The following TTC27 variants were observed in gnomAD, a reference collection of about 807,000 sequenced individuals.
TTC27 encodes tetratricopeptide repeat domain 27.
Under a neutral mutation model 115.9 loss-of-function variants are expected in TTC27, and 79 were observed. That is an observed-to-expected ratio of 0.68 (90% CI 0.57 to 0.82). The LOEUF (loss-of-function observed/expected upper bound fraction) is 0.82. TTC27 is among the 40% of genes least tolerant of loss of function. The pLI is 0.00. For missense variants in TTC27, 1,054 were observed against 993.1 expected (o/e 1.06, Z -0.82); for synonymous variants, 401 against 356.0 (o/e 1.13, Z -1.42).
intron 16 of TTC27, among the ~76,000 whole-genome samples, chr2:32,791,241 A>G (rs989263104): frequency 6.6e-6 from 1 of 152,144 alleles, no homozygotes; most frequent in Non-Finnish European, 1.5e-5. Context: ...TCTTTCCCCA[A>G]GGTAAATTCT....
chr2:32,664,554 A>T (rs1665694543), intron 6 of TTC27, 87 bp downstream of exon 6: 2 of 1,141,228 alleles, frequency 1.8e-6, no homozygotes, highest in African/African-American at 1.6e-5. Context: ...TTGGTATTAG[A>T]TTTTCTATAT....
intron 16 of TTC27, among the ~76,000 whole-genome samples, chr2:32,797,899 T>A (rs968968861): frequency 6.6e-6 from 1 of 151,998 alleles, no homozygotes; most frequent in Non-Finnish European, 1.5e-5. Context: ...TATAGAGGAC[T>A]TCTAAAATTC....
At position 32,652,134 on chromosome 2, in the gene TTC27, G is replaced by A. The variant is rs573971423; in HGVS notation, c.640+1901G>A. Among the ~76,000 whole-genome samples the A allele has an allele frequency of 2.0e-5, 3 of 152,312 alleles. No individual in the cohort carries two copies. The South Asian group carries it at 6.2e-4, about 32-fold the overall frequency. On this transcript the variant is annotated intron_variant, in intron 5 of 19. Transcript: ENST00000317907. ...CATGCCTGTAATCCCAGCACTTTGGGAGGTCGAGGCAGGTAGATCACGAGG... is the reference window on the plus strand; with the variant it reads ...CATGCCTGTAATCCCAGCACTTTGGAAGGTCGAGGCAGGTAGATCACGAGG...
At chr2:32,732,561 T>C (rs908527380) in intron 10 of TTC27, among the ~76,000 whole-genome samples, 1 of 152,206 alleles carries the variant, frequency 6.6e-6, no homozygotes, top group African/African-American at 2.4e-5. Flanking sequence ...CCTTTTTTTT[T>C]CTCCTGAGGC....
intron 1 of TTC27, among the ~76,000 whole-genome samples, chr2:32,628,620 C>A (rs2063531185): frequency 6.6e-6 from 1 of 152,056 alleles, no homozygotes; most frequent in Non-Finnish European, 1.5e-5. Context: ...TTTTCTAAGC[C>A]CTTAACATGT....
At chr2:32,631,868 A>G (rs1323539685) in intron 2 of TTC27, among the ~76,000 whole-genome samples, 1 of 150,188 alleles carries the variant, frequency 6.7e-6, no homozygotes, top group Non-Finnish European at 1.5e-5. Context: ...TGGAGTGCAG[A>G]GGCGTGATCT....
At position 32,755,347 on chromosome 2, in the gene TTC27, A is replaced by G. The variant is rs1308577783; in HGVS notation, c.1453-2945A>G. Among the ~76,000 whole-genome samples the G allele has an allele frequency of 2.6e-5, 4 of 152,188 alleles. 1 individual carries two copies. Among genetic ancestry groups the G allele is most frequent in the South Asian group, 4.1e-4 (2 of 4,832 alleles). ...TGCAATCCCGGCACCTCGGGAGGCC[A>G]AGGCTGGCGGATCACTCGCGGTTAG... On this transcript the variant is annotated intron_variant, in intron 12 of 19. Transcript: ENST00000317907.
At position 32,784,002 on chromosome 2, in the gene TTC27, T is replaced by C. The variant is rs1033839005; in HGVS notation, c.1832+1324T>C. Among the ~76,000 whole-genome samples the C allele has an allele frequency of 5.3e-5, 8 of 152,368 alleles. No homozygotes were observed. In the South Asian group the frequency reaches 6.2e-4, roughly 12 times the overall value. On this transcript the variant is annotated intron_variant, in intron 15 of 19. Transcript: ENST00000317907. ...TTGGATGACATAAATAAAGTCTATC[T>C]GTTCTACCATTCTCTTTAGAAGATC...
At position 32,719,143 on chromosome 2, in the gene TTC27, A is replaced by G. The variant is rs993946970; in HGVS notation, c.1234-14685A>G. 4.6e-5 allele frequency among the ~76,000 whole-genome samples: 7 copies of G among 152,296 alleles called. No homozygotes were observed. The South Asian group carries it at 1.2e-3, about 27-fold the overall frequency. ...AAGCATTGGCCAGTGGTTCTGAGCT[A>G]TGGAAGTCATAGTCTGGAATACAGG... On this transcript the variant is annotated intron_variant, in intron 10 of 19. Coordinates refer to ENST00000317907, the MANE Select transcript of TTC27 (RefSeq NM_017735.5).
intron 8 of TTC27, 130 bp downstream of exon 8, chr2:32,672,514 C>T (rs778959705): frequency 1.6e-6 from 1 of 607,874 alleles, no homozygotes; most frequent in South Asian, 2.4e-5. Context: ...TTATGAAGAT[C>T]AGAGGAAATA....
At chr2:32,743,877 T>A (rs1668729030) in intron 12 of TTC27, among the ~76,000 whole-genome samples, 2 of 152,222 alleles carry the variant, frequency 1.3e-5, no homozygotes, top group South Asian at 4.1e-4. Flanking sequence ...CTAAAGGAGT[T>A]CTCCTGTCGT....
chr2:32,649,014 AAAAAT>A (rs1664977648), intron 4 of TTC27, among the ~76,000 whole-genome samples: 2 of 152,178 alleles, frequency 1.3e-5, no homozygotes, highest in African/African-American at 4.8e-5. Context: ...CTTGCCTCAA[AAAAAT>A]AAAATAAAAA....
intron 9 of TTC27, among the ~76,000 whole-genome samples, chr2:32,689,296 G>T (rs541081112): frequency 5.3e-5 from 8 of 152,048 alleles, no homozygotes; most frequent in Non-Finnish European, 1.2e-4. Context: ...TACTGAATAT[G>T]GGTTTTATTC....
In TTC27 at chr2:32,753,164, T is replaced by G. The variant is rs187565565; in HGVS notation, c.1453-5128T>G. On this transcript the variant is annotated intron_variant, in intron 12 of 19. Coordinates refer to ENST00000317907, the MANE Select transcript of TTC27 (RefSeq NM_017735.5). ...GTGGGATTTCTCCACATGAATTAGC[T>G]TGGGCTTCTTCACAGCATGATGACT... Among the ~76,000 whole-genome samples the G allele has an allele frequency of 4.5e-3, 681 of 152,190 alleles. 6 individuals carry two copies. The highest frequency in any genetic ancestry group is 0.016 in the African/African-American group (652 of 41,520).
intron 10 of TTC27, among the ~76,000 whole-genome samples, chr2:32,718,973 T>C (rs1168613445): frequency 6.6e-6 from 1 of 152,192 alleles, no homozygotes; most frequent in Non-Finnish European, 1.5e-5. Context: ...TCCTAAGTGG[T>C]GCAAGAAGGC....
At chr2:32,695,601 C>T (rs1666956618) in intron 9 of TTC27, among the ~76,000 whole-genome samples, 1 of 151,646 alleles carries the variant, frequency 6.6e-6, no homozygotes, top group Non-Finnish European at 1.5e-5. Flanking sequence ...TGCCTGCAGT[C>T]CCAGCTACTC....
chr2:32,632,162 CTT>C (rs372312922), intron 2 of TTC27, among the ~76,000 whole-genome samples: 20 of 126,038 alleles, frequency 1.6e-4, no homozygotes, highest in Admixed American at 2.4e-4. Context: ...TGGTATCATT[CTT>C]TTTTTTTTTT....
At chr2:32,724,802 T>C (rs1272200314) in intron 10 of TTC27, among the ~76,000 whole-genome samples, 2 of 152,206 alleles carry the variant, frequency 1.3e-5, no homozygotes, top group Non-Finnish European at 2.9e-5. Context: ...ATTGACAATA[T>C]TTGTTACTGT....
At chr2:32,795,091 C>A (rs577574731) in intron 16 of TTC27, among the ~76,000 whole-genome samples, 2 of 149,888 alleles carry the variant, frequency 1.3e-5, no homozygotes, top group African/African-American at 4.9e-5. Context: ...GCTATGAGGC[C>A]AGCATTACCC....
Sources: gnomAD v4.1 joint callset for allele counts (sites outside exome capture counted in the v4.1 genomes callset) on GRCh38, gnomAD v4.1.1 for gene constraint, MANE v1.5 for transcripts, NCBI Gene and HGNC (gene_info 2026-07-23, HGNC 2026-07-21) for gene names.